The following KAZN variants were observed in gnomAD, a reference collection of about 807,000 sequenced individuals.
KAZN encodes the protein kazrin.
A neutral mutation model predicts 87.4 loss-of-function variants in KAZN; 40 were observed. The observed-to-expected ratio is 0.46, with a 90% CI of 0.36 to 0.60. The LOEUF (loss-of-function observed/expected upper bound fraction) is 0.60, where lower values mean the gene tolerates loss of function less well. Ranked by LOEUF, KAZN falls within the 20% of genes least tolerant of loss-of-function variation. The pLI is 0.00. For synonymous variants in KAZN, 466 were observed against 458.3 expected (o/e 1.02, Z -0.22); for missense variants, 898 against 1,073.9 (o/e 0.84, Z 2.29).
chr1:14,079,860 C>T (rs901811762), intron 1 of KAZN, among the ~76,000 whole-genome samples: 11 of 151,826 alleles, frequency 7.2e-5, no homozygotes, highest in African/African-American at 2.7e-4. Flanking sequence ...GGACCCGCCC[C>T]CATGACCCAA....
intron 2 of KAZN, among the ~76,000 whole-genome samples, chr1:14,319,008 ATTTT>A (rs1040346321): frequency 8.0e-6 from 1 of 125,696 alleles, no homozygotes; most frequent in Non-Finnish European, 1.6e-5. Context: ...TTGACCTTTT[ATTTT>A]TATTTATTTA....
intron 1 of KAZN, among the ~76,000 whole-genome samples, chr1:14,050,176 G>A (rs1225223547): frequency 5.9e-5 from 9 of 151,766 alleles, no homozygotes; most frequent in African/African-American, 1.7e-4. Context: ...GTGGGTGTGT[G>A]CGCACATGTG....
At chr1:14,034,956 G>A (rs529963953) in intron 1 of KAZN, among the ~76,000 whole-genome samples, 19 of 152,252 alleles carry the variant, frequency 1.2e-4, no homozygotes, top group East Asian at 1.9e-4. Context: ...AAGATTCTGC[G>A]CTCCCAGCCT....
intron 2 of KAZN, among the ~76,000 whole-genome samples, chr1:14,480,883 C>A (rs1341621809): frequency 6.8e-6 from 1 of 146,880 alleles, no homozygotes; most frequent in African/African-American, 2.5e-5. Flanking sequence ...CATCTTCGAC[C>A]TACCCAACCT....
chr1:14,143,783 T>C (rs1276458226), intron 1 of KAZN, among the ~76,000 whole-genome samples: 1 of 151,142 alleles, frequency 6.6e-6, no homozygotes, highest in East Asian at 2.0e-4. Flanking sequence ...AGTGGTGTGA[T>C]CTCGGCTCAC....
At chr1:14,842,712 G>T (rs1648163549) in intron 1 of KAZN, among the ~76,000 whole-genome samples, 1 of 152,328 alleles carries the variant, frequency 6.6e-6, no homozygotes, top group Non-Finnish European at 1.5e-5. Context: ...AGTACAATTT[G>T]CAAGGGGATT....
intron 1 of KAZN, among the ~76,000 whole-genome samples, chr1:13,917,896 A>G (rs1235602863): frequency 6.6e-6 from 1 of 151,968 alleles, no homozygotes. Flanking sequence ...GCACATGTTT[A>G]CAGCATGGTT....
In KAZN at chr1:14,286,953, T is replaced by G. The variant is rs1033671033; in HGVS notation, c.249+106361T>G. Among the ~76,000 whole-genome samples, 8 of 152,262 alleles carry G rather than the reference T, an allele frequency of 5.3e-5. No individual in the cohort carries two copies. In the East Asian group the frequency reaches 1.5e-3, roughly 29 times the overall value. Reference sequence around the variant, plus strand: ...GTGTGTGTGGGGAGAGGAGCCTATTTCTCCTAAGAAGCCATATATGAATTG... The same window carrying G: ...GTGTGTGTGGGGAGAGGAGCCTATTGCTCCTAAGAAGCCATATATGAATTG... On this transcript the variant is annotated intron_variant, in intron 2 of 16. Transcript: ENST00000636203.
rs1640944469 is a variant in KAZN at position 15,099,348 on chromosome 1, GA to G, written c.1548-2191del. ...CTTATCTGCTAAGGTGGGGAAGAGA[GA>G]AAATAAATTAGTGGACAAACCAGCA... On this transcript the variant is annotated intron_variant, in intron 10 of 14. Transcript: ENST00000376030. The surrounding 1 kb of genome is among the most constrained non-coding windows in gnomAD (Gnocchi z 5.4). Among the ~76,000 whole-genome samples the G allele has an allele frequency of 6.6e-6, 1 of 152,246 alleles. No individual in the cohort carries two copies. The highest frequency in any genetic ancestry group is 2.1e-4 in the South Asian group (1 of 4,836).
chr1:14,507,967 C>CA (rs1258392079), intron 2 of KAZN, among the ~76,000 whole-genome samples: 4 of 109,800 alleles, frequency 3.6e-5, no homozygotes, highest in African/African-American at 1.5e-4. Flanking sequence ...ACTCGGTCTC[C>CA]AAAAAATAAA....
intron 1 of KAZN, among the ~76,000 whole-genome samples, chr1:14,862,618 C>T (rs944658438): frequency 6.6e-6 from 1 of 152,164 alleles, no homozygotes; most frequent in Non-Finnish European, 1.5e-5. Flanking sequence ...TTCCAATCAG[C>T]CTCCCAGACT....
chr1:14,726,410 C>T lies in KAZN; in HGVS notation c.226+127187C>T, dbSNP rs7549678. 3.8e-3 allele frequency among the ~76,000 whole-genome samples: 581 copies of T among 152,344 alleles called. 7 individuals are homozygous for T. Among genetic ancestry groups the T allele is most frequent in the African/African-American group, 0.013 (550 of 41,584 alleles). Reference sequence around the variant, plus strand: ...GGAAGCGTCCCCTGGGAGACGCGTTCCCAGCATCTCAGCAGGTGTGGAGCG... The same window carrying T: ...GGAAGCGTCCCCTGGGAGACGCGTTTCCAGCATCTCAGCAGGTGTGGAGCG... On this transcript the variant is annotated intron_variant, in intron 1 of 14. Coordinates refer to ENST00000376030, the MANE Select transcript of KAZN (RefSeq NM_201628.3).
At chr1:14,427,589 G>A (rs1665808404) in intron 2 of KAZN, among the ~76,000 whole-genome samples, 1 of 141,864 alleles carries the variant, frequency 7.0e-6, no homozygotes, top group Non-Finnish European at 1.5e-5. Flanking sequence ...ACACATATGT[G>A]TATACATGTA....
intron 1 of KAZN, among the ~76,000 whole-genome samples, chr1:14,028,015 G>A (rs1641154793): frequency 6.6e-6 from 1 of 152,162 alleles, no homozygotes; most frequent in South Asian, 2.1e-4. Context: ...TCCTCCAAAA[G>A]AGATTATGTT....
intron 2 of KAZN, among the ~76,000 whole-genome samples, chr1:14,336,224 T>C (rs820621): frequency 0.15 from 22,771 of 152,246 alleles, 2,005 homozygotes; most frequent in East Asian, 0.36. Context: ...TTATACAATA[T>C]GTGGCTTTTA....
chr1:14,893,101 C>T (rs1368794841), intron 1 of KAZN, among the ~76,000 whole-genome samples: 2 of 152,206 alleles, frequency 1.3e-5, no homozygotes, highest in Non-Finnish European at 2.9e-5. Context: ...AGTGTGGTGG[C>T]TCATGCCTGT....
chr1:15,106,029 C>G (rs1047254087), intron 13 of KAZN, among the ~76,000 whole-genome samples: 1 of 152,156 alleles, frequency 6.6e-6, no homozygotes, highest in African/African-American at 2.4e-5. Flanking sequence ...CCTGCAATCT[C>G]AGCACTTTAG....
At chr1:14,950,829 G>A (rs1662392188) in intron 1 of KAZN, among the ~76,000 whole-genome samples, 1 of 152,150 alleles carries the variant, frequency 6.6e-6, no homozygotes, top group Non-Finnish European at 1.5e-5. Context: ...TCTCCAGGGA[G>A]GGTTTCAGGG....
chr1:14,461,495 TG>T (rs1294939900), intron 2 of KAZN, among the ~76,000 whole-genome samples: 4 of 152,240 alleles, frequency 2.6e-5, no homozygotes, highest in Non-Finnish European at 2.9e-5. Context: ...CCCAGCCACA[TG>T]GAACTGTGAG....
Sources: gnomAD v4.1 joint callset for allele counts (sites outside exome capture counted in the v4.1 genomes callset) on GRCh38, gnomAD v4.1.1 for gene constraint, Gnocchi (gnomAD v3.1) non-coding constraint, MANE v1.5 for transcripts, NCBI Gene and HGNC (gene_info 2026-07-23, HGNC 2026-07-21) for gene names.